PSMD4: variants seen among roughly 807,000 people sequenced by gnomAD.
PSMD4 encodes the protein 26S proteasome non-ATPase regulatory subunit 4.
In PSMD4, 5 loss-of-function variants were observed where a neutral mutation model predicts 39.7. The observed-to-expected ratio is 0.13, with a 90% CI of 0.07 to 0.26. The LOEUF is 0.26. Ranked by LOEUF, PSMD4 falls within the 10% of genes least tolerant of loss-of-function variation. The pLI, the probability that PSMD4 is intolerant of heterozygous loss-of-function variation, is 1.00. For missense variants in PSMD4, 272 were observed against 486.1 expected (o/e 0.56, Z 4.14); for synonymous variants, 143 against 174.6 (o/e 0.82, Z 1.43).
intron 1 of PSMD4, among the ~76,000 whole-genome samples, chr1:151,256,692 C>T (rs1693180266): frequency 6.6e-6 from 1 of 150,972 alleles, no homozygotes; most frequent in Non-Finnish European, 1.5e-5. Flanking sequence ...CCGCCTCAGC[C>T]TCCCAAAGTG....
intron 1 of PSMD4, among the ~76,000 whole-genome samples, chr1:151,258,896 CAG>C (rs1408710705): frequency 6.6e-6 from 1 of 152,072 alleles, no homozygotes; most frequent in Non-Finnish European, 1.5e-5. Context: ...GCCTGGGTGA[CAG>C]AGCAAGATCC....
At chr1:151,255,167 A>C (rs907618065) in intron 1 of PSMD4, among the ~76,000 whole-genome samples, 1 of 152,240 alleles carries the variant, frequency 6.6e-6, no homozygotes, top group East Asian at 1.9e-4. Context: ...AACGTCTATT[A>C]GGAAAATAGA....
At chr1:151,266,462 C>T (rs377257692) in intron 8 of PSMD4, 23 bp downstream of exon 8, 1 of 1,614,204 alleles carries the variant, frequency 6.2e-7, no homozygotes. Flanking sequence ...CTGGGTGGTG[C>T]CTAGGCAGAG....
intron 1 of PSMD4, among the ~76,000 whole-genome samples, chr1:151,260,947 G>A (rs1295755756): frequency 4.0e-5 from 6 of 151,298 alleles, no homozygotes; most frequent in African/African-American, 1.5e-4. Context: ...CCGGGTTCAA[G>A]CAATTCTCCT....
In PSMD4 at chr1:151,266,369, T is replaced by G; in HGVS notation, c.825T>G (p.Leu275=). The G allele has an allele frequency of 6.2e-7, 1 of 1,614,218 alleles. No homozygotes were observed. Residue 275 remains leucine (L), a synonymous_variant, in exon 8 of 10, where the codon CTT becomes CTG. Coordinates refer to ENST00000368884, the MANE Select transcript of PSMD4 (RefSeq NM_002810.4). Reference sequence around the variant, plus strand: ...AGCAAGAGTTTGGCCGCACTGGGCTTCCTGACCTAAGCAGTATGACTGAGG... The same window carrying G: ...AGCAAGAGTTTGGCCGCACTGGGCTGCCTGACCTAAGCAGTATGACTGAGG... The part of the protein sequence containing the change: ...ISQQEFGRTG[L]PDLSSMTEEE...
chr1:151,262,052 C>A, intron 1 of PSMD4, 109 bp from the exon 2 acceptor site: 1 of 1,165,172 alleles, frequency 8.6e-7, no homozygotes, highest in Non-Finnish European at 1.2e-6. Context: ...AAAAAAGCTA[C>A]AGGTGATGCT....
In PSMD4 at chr1:151,266,499, AGACT is replaced by A. The variant is rs1316042877; in HGVS notation, c.896-17_896-14del. The A allele has an allele frequency of 1.2e-6, 2 of 1,614,124 alleles. No individual in the cohort carries two copies. The highest frequency in any genetic ancestry group is 2.7e-5 in the African/African-American group (2 of 74,942). ...TTGGGGTGAGGAAGTGTAACTGAAC[AGACT>A]GACCTCTCTTCCTCAGAGTTTGGCC... On this transcript the variant is annotated splice_polypyrimidine_tract_variant and intron_variant, in intron 8 of 9. Transcript: ENST00000368884.
Position 151,267,184 on chromosome 1 carries a change from T to G in PSMD4, c.975T>G (p.Asp325Glu). 6.2e-7 allele frequency: 1 copy of G among 1,613,878 alleles called. No homozygotes were observed. Among genetic ancestry groups the G allele is most frequent in the South Asian group, 1.1e-5 (1 of 91,068 alleles). The change falls in exon 10 of 10, where the codon GAT becomes GAG. Residue 325 changes from aspartate (D) to glutamate (E), a missense_variant. Around this residue, in one of 3 missense-constraint regions of PSMD4, gnomAD observed 113 missense variants for 184.6 expected, o/e 0.61. Coordinates refer to ENST00000368884, the MANE Select transcript of PSMD4 (RefSeq NM_002810.4). Reference sequence around the variant, plus strand: ...CTGCCTGTTTGCAGGAGGAGGATGATTACGACGTGATGCAGGACCCCGAGT... The same window carrying G: ...CTGCCTGTTTGCAGGAGGAGGATGAGTACGACGTGATGCAGGACCCCGAGT... Reference protein sequence around the residue: ...DTSEPAKEEDDYDVMQDPEFL... With the variant: ...DTSEPAKEEDEYDVMQDPEFL...
At position 151,265,875 on chromosome 1, in the gene PSMD4, C is replaced by T. The variant is rs1693437961; in HGVS notation, c.655-129C>T. The stretch of plus-strand genomic sequence containing the variant: ...AATCCCGTACCACTGCTTATCCCTC[C>T]AGCTTCTTCTCTGTGTGATAAACCA... On this transcript the variant is annotated intron_variant, in intron 6 of 9. Coordinates refer to ENST00000368884, the MANE Select transcript of PSMD4 (RefSeq NM_002810.4). The T allele has an allele frequency of 2.3e-6, 3 of 1,294,328 alleles. 1 individual carries two copies. The highest frequency in any genetic ancestry group is 3.2e-5 in the South Asian group (2 of 62,900). 80.2% of individuals were successfully genotyped at this position (1,294,328 alleles called of 1,614,324 possible). A position where few individuals can be genotyped will look rare whatever the true frequency, so the allele number is the denominator to read the frequency against.
intron 1 of PSMD4, among the ~76,000 whole-genome samples, chr1:151,261,085 G>A (rs1357310820): frequency 6.6e-6 from 1 of 151,424 alleles, no homozygotes; most frequent in African/African-American, 2.4e-5. Context: ...GACTTCAGGT[G>A]ATACACCCGC....
At chr1:151,266,693 G>C in intron 9 of PSMD4, 106 bp downstream of exon 9, 1 of 1,310,858 alleles carries the variant, frequency 7.6e-7, no homozygotes, top group Non-Finnish European at 1.1e-6. Flanking sequence ...TTGAGGAGCA[G>C]AGGGAAACAC....
At position 151,265,421 on chromosome 1, in the gene PSMD4, T is replaced by G; in HGVS notation, c.466T>G (p.Phe156Val). 1 of 1,614,230 alleles carries G rather than the reference T, an allele frequency of 6.2e-7. No individual in the cohort carries two copies. Among genetic ancestry groups the G allele is most frequent in the Non-Finnish European group, 8.5e-7 (1 of 1,180,044 alleles). Residue 156 changes from phenylalanine to valine, a missense_variant, in exon 6 of 10, where the codon TTT (phenylalanine) becomes GTT (valine). Physicochemically the swap from Phe to Val is conservative, Grantham distance 50. Transcript: ENST00000368884. ...EEVNTEKLTA[F>V]VNTLNGKDGT... ...GGTGAACACAGAAAAGCTGACAGCC[T>G]TTGTAAACACGTTGAATGGCAAAGA... is the stretch of plus-strand genomic sequence containing the variant.
intron 1 of PSMD4, among the ~76,000 whole-genome samples, chr1:151,259,826 C>T (rs1327285656): frequency 6.6e-6 from 1 of 152,090 alleles, no homozygotes; most frequent in Non-Finnish European, 1.5e-5. Flanking sequence ...AGCGATTCTC[C>T]CTTCTCGGCC....
chr1:151,254,951 C>A, intron 1 of PSMD4, 143 bp downstream of exon 1: 2 of 1,059,088 alleles, frequency 1.9e-6, no homozygotes, highest in South Asian at 2.0e-5. Flanking sequence ...CCGCTGGACT[C>A]CCTGAGTCAT....
intron 1 of PSMD4, among the ~76,000 whole-genome samples, chr1:151,256,351 AAAAAAT>A (rs778113046): frequency 1.3e-5 from 1 of 78,770 alleles, no homozygotes; most frequent in Non-Finnish European, 2.9e-5. Context: ...CTCAAAAAAA[AAAAAAT>A]AATAATAAAA....
chr1:151,254,888 GGGGGCCA>G (rs1195436570), intron 1 of PSMD4, 80 bp downstream of exon 1: 7 of 1,288,558 alleles, frequency 5.4e-6, no homozygotes, highest in Non-Finnish European at 5.1e-6. Flanking sequence ...GGCCTGGGGT[GGGGGCCA>G]GGGGCTCATG....
chr1:151,265,978 C>T (rs757044546), intron 6 of PSMD4, 26 bp from the exon 7 acceptor site: 1 of 1,546,478 alleles, frequency 6.5e-7, no homozygotes, highest in South Asian at 1.2e-5. Flanking sequence ...GCAGGGGAGC[C>T]CTGATTATGC....
At chr1:151,255,909 TA>T (rs780430828) in intron 1 of PSMD4, among the ~76,000 whole-genome samples, 1 of 152,150 alleles carries the variant, frequency 6.6e-6, no homozygotes, top group African/African-American at 2.4e-5. Flanking sequence ...CAGCATCTGT[TA>T]TTTTTTTAGT....
Position 151,264,141 on chromosome 1 carries a change from C to G in PSMD4, c.282+113C>G, listed in dbSNP as rs971762096. 5.0e-6 allele frequency: 4 copies of G among 793,608 alleles called. No individual in the cohort carries two copies. In the African/African-American group the frequency reaches 7.0e-5, roughly 14 times the overall value. The allele number at this position is 793,608 out of a possible 1,614,324, so 49.2% of individuals were successfully genotyped here. A position where few individuals can be genotyped will look rare whatever the true frequency, so the allele number is the denominator to read the frequency against. On this transcript the variant is annotated intron_variant, in intron 3 of 9. Coordinates refer to ENST00000368884, the MANE Select transcript of PSMD4 (RefSeq NM_002810.4). ...TAGGACCAGAGCAAGAGAAAGCTAACTTGGAGTAGAAAGGATATGGGGGAT... is the reference window on the plus strand; with the variant it reads ...TAGGACCAGAGCAAGAGAAAGCTAAGTTGGAGTAGAAAGGATATGGGGGAT...
Sources: gnomAD v4.1 joint callset for allele counts (sites outside exome capture counted in the v4.1 genomes callset) on GRCh38, gnomAD v4.1.1 for gene constraint, gnomAD v4.1.1 regional missense constraint, MANE v1.5 for transcripts, NCBI Gene and HGNC (gene_info 2026-07-23, HGNC 2026-07-21) for gene names.